RPS6KA6: variants seen among roughly 807,000 people sequenced by gnomAD.
The protein encoded by RPS6KA6 is ribosomal protein S6 kinase A6, also known as ribosomal protein S6 kinase alpha-6.
Under a neutral mutation model 65.4 loss-of-function variants are expected in RPS6KA6, and 27 were observed. The observed-to-expected ratio is 0.41, with a 90% CI of 0.30 to 0.57. RPS6KA6 has a LOEUF of 0.57. Ranked by LOEUF, RPS6KA6 falls within the 20% of genes least tolerant of loss-of-function variation. RPS6KA6 has a pLI of 0.24. For synonymous variants in RPS6KA6, 190 were observed against 184.2 expected (o/e 1.03, Z -0.26); for missense variants, 486 against 555.6 (o/e 0.87, Z 1.26).
At chrX:84,072,539 G>A (rs1439237276) in intron 20 of RPS6KA6, among the ~76,000 whole-genome samples, 2 of 111,322 alleles carry the variant, frequency 1.8e-5, no homozygotes, top group Non-Finnish European at 3.8e-5. Flanking sequence ...GCATAGTTCT[G>A]GAAGTCCTAG....
rs1207897151 is a variant in RPS6KA6 at position 84,060,675 on chromosome X, G to C, written c.*3602C>G. The C allele has an allele frequency of 9.0e-6, 1 of 111,117 alleles. No individual in the cohort carries two copies. Among genetic ancestry groups the C allele is most frequent in the Non-Finnish European group, 1.9e-5 (1 of 52,980 alleles). The allele number at this position is 111,117 out of a possible 1,213,427, so 9.2% of individuals were successfully genotyped here. On this transcript the variant is annotated 3_prime_UTR_variant, in exon 22 of 22. Coordinates refer to ENST00000262752, the MANE Select transcript of RPS6KA6 (RefSeq NM_014496.5). ...AAGAGAAAAGGTAGATTGAGAAGTA[G>C]AAAGGAAGTAGGAAGGAAATTGTGC... is the stretch of plus-strand genomic sequence containing the variant.
Position 84,187,977 on chromosome X carries a change from C to T in RPS6KA6, c.-78G>A, listed in dbSNP as rs2035950339. 2.4e-5 allele frequency: 6 copies of T among 253,652 alleles called. No individual in the cohort carries two copies. The East Asian group carries it at 5.9e-4, about 25-fold the overall frequency. The allele number at this position is 253,652 out of a possible 1,213,427, so 20.9% of individuals were successfully genotyped here. A position where few individuals can be genotyped will look rare whatever the true frequency, so the allele number is the denominator to read the frequency against. ...GCGCATCCTGTCTATTGAACTGGCC[C>T]GCCGCCGCCGCCGCCGCCGCCGCCG... On this transcript the variant is annotated 5_prime_UTR_variant, in exon 1 of 22. Coordinates refer to ENST00000262752, the MANE Select transcript of RPS6KA6 (RefSeq NM_014496.5).
In RPS6KA6 at chrX:84,074,991, T is replaced by C. The variant is rs753546547; in HGVS notation, c.1972-9880A>G. Among the ~76,000 whole-genome samples the C allele has an allele frequency of 9.8e-4, 109 of 111,687 alleles. 1 individual carries two copies. The South Asian group carries it at 0.012, about 12-fold the overall frequency. On this transcript the variant is annotated intron_variant, in intron 20 of 21. Transcript: ENST00000262752. The stretch of plus-strand genomic sequence containing the variant: ...GGCTCACGCCTGTAATCGCAGCACT[T>C]TGGGAGGCCAAGGCGGGTGGATCAT...
intron 8 of RPS6KA6, among the ~76,000 whole-genome samples, chrX:84,121,258 T>A (rs1339363587): frequency 9.0e-6 from 1 of 111,628 alleles, no homozygotes; most frequent in Non-Finnish European, 1.9e-5. Flanking sequence ...TATGAGCCAC[T>A]CCTGTCCACC....
intron 3 of RPS6KA6, among the ~76,000 whole-genome samples, chrX:84,149,184 C>T (rs906937781): frequency 3.6e-5 from 4 of 112,016 alleles, no homozygotes; most frequent in African/African-American, 1.3e-4. Flanking sequence ...ACTTCCGTCA[C>T]ATCTTTAGTT....
At chrX:84,182,537 T>C (rs1354299747) in intron 1 of RPS6KA6, among the ~76,000 whole-genome samples, 1 of 110,697 alleles carries the variant, frequency 9.0e-6, no homozygotes, top group African/African-American at 3.3e-5. Context: ...TATGAGAGGG[T>C]AGGTACTAAA....
chrX:84,108,937 A>G (rs1017015170), intron 12 of RPS6KA6, among the ~76,000 whole-genome samples: 3 of 112,074 alleles, frequency 2.7e-5, no homozygotes, highest in African/African-American at 9.7e-5. Flanking sequence ...TTGGGTCTAC[A>G]GCACAGCTGC....
intron 3 of RPS6KA6, among the ~76,000 whole-genome samples, chrX:84,150,474 C>T (rs1164855555): frequency 1.8e-5 from 2 of 110,724 alleles, no homozygotes; most frequent in African/African-American, 6.6e-5. Flanking sequence ...AGAACACTTC[C>T]TTTCCCTTGA....
intron 1 of RPS6KA6, among the ~76,000 whole-genome samples, chrX:84,180,697 GT>G (rs1293396247): frequency 8.9e-6 from 1 of 111,954 alleles, no homozygotes; most frequent in Admixed American, 9.5e-5. Context: ...CTGGGATTTT[GT>G]TGACATTTAT....
chrX:84,175,389 A>G (rs937846119), intron 1 of RPS6KA6, among the ~76,000 whole-genome samples: 3 of 111,648 alleles, frequency 2.7e-5, no homozygotes, highest in African/African-American at 9.7e-5. Context: ...TATATTTTAA[A>G]TTATCTCCAC....
intron 12 of RPS6KA6, among the ~76,000 whole-genome samples, chrX:84,111,140 A>G (rs1293934594): frequency 1.0e-5 from 1 of 99,520 alleles, no homozygotes; most frequent in African/African-American, 3.4e-5. Flanking sequence ...TAAATCAGAT[A>G]AAATTAAAGA....
intron 8 of RPS6KA6, among the ~76,000 whole-genome samples, chrX:84,123,463 A>G (rs2147482928): frequency 8.9e-6 from 1 of 112,699 alleles, no homozygotes; most frequent in African/African-American, 3.2e-5. Flanking sequence ...AGTGCTCTGA[A>G]GAACGAGTTC....
At chrX:84,183,533 C>T (rs1737089182) in intron 1 of RPS6KA6, among the ~76,000 whole-genome samples, 2 of 111,368 alleles carry the variant, frequency 1.8e-5, no homozygotes, top group African/African-American at 6.5e-5. Flanking sequence ...AAAATTGAAC[C>T]CTTAAACTGG....
At chrX:84,095,307 T>C (rs1478730183) in intron 20 of RPS6KA6, among the ~76,000 whole-genome samples, 1 of 112,387 alleles carries the variant, frequency 8.9e-6, no homozygotes, top group Non-Finnish European at 1.9e-5. Context: ...CTTCAAATTG[T>C]AGCTTAAAAG....
At chrX:84,082,573 C>A in intron 20 of RPS6KA6, among the ~76,000 whole-genome samples, 1 of 111,936 alleles carries the variant, frequency 8.9e-6, no homozygotes, top group Non-Finnish European at 1.9e-5. Context: ...CATTGACTTT[C>A]TTCACAGAAT....
At chrX:84,169,105 C>T (rs1408433050) in intron 1 of RPS6KA6, among the ~76,000 whole-genome samples, 1 of 111,469 alleles carries the variant, frequency 9.0e-6, no homozygotes, top group Middle Eastern at 4.2e-3. Context: ...CAATTAAGTG[C>T]CAAATGAGAG....
At chrX:84,101,895 A>T in intron 18 of RPS6KA6, 142 bp downstream of exon 18, 1 of 433,598 alleles carries the variant, frequency 2.3e-6, no homozygotes. Context: ...GGGCTATGAG[A>T]ATTCCCTGAT....
intron 15 of RPS6KA6, among the ~76,000 whole-genome samples, 165 bp from the exon 16 acceptor site, chrX:84,106,041 G>GA (rs1421209040): frequency 5.4e-5 from 6 of 111,039 alleles, no homozygotes; most frequent in Middle Eastern, 4.7e-3. Flanking sequence ...AAACTTAACA[G>GA]AAAAAAATAA....
chrX:84,069,192 C>A (rs2033475313), intron 20 of RPS6KA6, among the ~76,000 whole-genome samples: 1 of 111,911 alleles, frequency 8.9e-6, no homozygotes, highest in African/African-American at 3.2e-5. Context: ...ACCGAAACAG[C>A]ATGGTGCTGG....
Sources: allele counts gnomAD v4.1 joint callset (sites outside exome capture counted in the v4.1 genomes callset), GRCh38; gene constraint gnomAD v4.1.1; transcripts MANE v1.5; gene names NCBI Gene and HGNC (gene_info 2026-07-23, HGNC 2026-07-21).